Variants in SMTNL2 observed in about 807,000 individuals in gnomAD.
The protein encoded by SMTNL2 is smoothelin-like protein 2.
SMTNL2 carries 43 observed loss-of-function variants against 44.1 expected under a neutral mutation model. The observed-to-expected ratio is 0.98, with a 90% CI of 0.76 to 1.26. The LOEUF is 1.26. SMTNL2 is among the 50% of genes most tolerant of loss of function. The pLI, the probability that SMTNL2 is intolerant of heterozygous loss-of-function variation, is 0.00. For synonymous variants in SMTNL2, 317 were observed against 287.6 expected (o/e 1.10, Z -1.03); for missense variants, 646 against 670.2 (o/e 0.96, Z 0.40).
At position 4,592,546 on chromosome 17, in the gene SMTNL2, CG is replaced by C. The variant is rs1909624074; in HGVS notation, c.487+104del. ...GCCAGGCTGGCCCTTGGCCTGGCAT[CG>C]GGGGGACTCTATCCTGAACCCCAGC... On this transcript the variant is annotated intron_variant, in intron 2 of 7. Coordinates refer to ENST00000389313, the MANE Select transcript of SMTNL2 (RefSeq NM_001114974.2). This position sits in a 1 kb window ranked among gnomAD's most constrained non-coding sequence, Gnocchi z 4.5. The C allele has an allele frequency of 6.2e-6, 7 of 1,125,924 alleles. No homozygotes were observed. Among genetic ancestry groups the C allele is most frequent in the Non-Finnish European group, 7.6e-6 (6 of 790,664 alleles). 69.7% of individuals were successfully genotyped at this position (1,125,924 alleles called of 1,614,324 possible). A position where few individuals can be genotyped will look rare whatever the true frequency, so the allele number is the denominator to read the frequency against.
chr17:4,587,980 C>T (rs562054651), intron 1 of SMTNL2, among the ~76,000 whole-genome samples: 129 of 152,314 alleles, frequency 8.5e-4, no homozygotes, highest in Non-Finnish European at 1.6e-3. Context: ...CCCGAGGCAG[C>T]GGAGGCCCCA....
intron 7 of SMTNL2, among the ~76,000 whole-genome samples, chr17:4,605,746 A>G (rs1181048057): frequency 6.6e-6 from 1 of 152,148 alleles, no homozygotes; most frequent in Non-Finnish European, 1.5e-5. Context: ...GGCACTGACA[A>G]TCGGGCCAAG....
rs1910003439 is a variant in SMTNL2 at position 4,600,911 on chromosome 17, G to A, written c.1259+3588G>A. Reference sequence around the variant, plus strand: ...GTCTCTGTCTAAAACCAGATAGGAGGCAGTAGTCCCAGTCCTGGCATCCTG... The same window carrying A: ...GTCTCTGTCTAAAACCAGATAGGAGACAGTAGTCCCAGTCCTGGCATCCTG... On this transcript the variant is annotated intron_variant, in intron 7 of 7. Coordinates refer to ENST00000389313, the MANE Select transcript of SMTNL2 (RefSeq NM_001114974.2). The surrounding 1 kb of genome is among the most constrained non-coding windows in gnomAD (Gnocchi z 4.7). Among the ~76,000 whole-genome samples the A allele has an allele frequency of 6.6e-6, 1 of 152,130 alleles. No homozygotes were observed. Among genetic ancestry groups the A allele is most frequent in the Non-Finnish European group, 1.5e-5 (1 of 68,020 alleles).
chr17:4,591,296 T>C (rs989492082), intron 1 of SMTNL2, among the ~76,000 whole-genome samples: 7 of 152,176 alleles, frequency 4.6e-5, no homozygotes, highest in African/African-American at 1.2e-4. Flanking sequence ...CCAGGGGGCA[T>C]CTGGGAGAGG....
At chr17:4,599,927 C>A (rs1909960925) in intron 7 of SMTNL2, among the ~76,000 whole-genome samples, 1 of 152,236 alleles carries the variant, frequency 6.6e-6, no homozygotes. Context: ...GTGGCCTGGG[C>A]CTGCTCCAGC....
At chr17:4,594,996 C>A in intron 4 of SMTNL2, 149 bp from the exon 5 acceptor site, 1 of 1,044,180 alleles carries the variant, frequency 9.6e-7, no homozygotes. Context: ...GTCAAACCAG[C>A]TAGGGACCGG....
intron 1 of SMTNL2, among the ~76,000 whole-genome samples, chr17:4,587,792 A>G (rs1279959558): frequency 1.3e-5 from 2 of 152,242 alleles, no homozygotes. Context: ...CCTGAACTCA[A>G]TACAGGAAGG....
chr17:4,594,992 C>T (rs1455991126), intron 4 of SMTNL2, 153 bp from the exon 5 acceptor site: 1 of 1,012,502 alleles, frequency 9.9e-7, no homozygotes, highest in Non-Finnish European at 1.4e-6. Context: ...ACCTGTCAAA[C>T]CAGCTAGGGA....
intron 1 of SMTNL2, among the ~76,000 whole-genome samples, chr17:4,588,541 C>T (rs1909437445): frequency 6.6e-6 from 1 of 152,214 alleles, no homozygotes; most frequent in African/African-American, 2.4e-5. Flanking sequence ...CGCATGACGG[C>T]GACAGGCTGC....
At position 4,595,263 on chromosome 17, in the gene SMTNL2, ACCT is replaced by A. The variant is rs1165657642; in HGVS notation, c.927_929del (p.Ser310del). 1.9e-6 allele frequency: 3 copies of A among 1,613,056 alleles called. No homozygotes were observed. Among genetic ancestry groups the A allele is most frequent in the Non-Finnish European group, 2.5e-6 (3 of 1,179,932 alleles). On this transcript the variant is annotated inframe_deletion, in exon 5 of 8. Transcript: ENST00000389313. This position sits in a 1 kb window ranked among gnomAD's most constrained non-coding sequence, Gnocchi z 5.1. ...GGTGAGGTCGCAGACGCTGCCCCGC[ACCT>A]CGGAGGCGCAGGCCCGGAAAGCATT...
In SMTNL2 at chr17:4,595,063, T is replaced by C; in HGVS notation, c.807-82T>C. 1.3e-6 allele frequency: 2 copies of C among 1,587,568 alleles called. No homozygotes were observed. Among genetic ancestry groups the C allele is most frequent in the Non-Finnish European group, 8.6e-7 (1 of 1,159,666 alleles). On this transcript the variant is annotated intron_variant, in intron 4 of 7. Transcript: ENST00000389313. This position sits in a 1 kb window ranked among gnomAD's most constrained non-coding sequence, Gnocchi z 5.1. Reference sequence around the variant, plus strand: ...ACGGTGCAGGCTGCCTTGTCCACACTCAGTGCAATGGAGACCTTGGGGCCT... The same window carrying C: ...ACGGTGCAGGCTGCCTTGTCCACACCCAGTGCAATGGAGACCTTGGGGCCT...
At chr17:4,604,842 TG>T (rs1910202944) in intron 7 of SMTNL2, among the ~76,000 whole-genome samples, 2 of 144,296 alleles carry the variant, frequency 1.4e-5, no homozygotes, top group Non-Finnish European at 3.2e-5. Flanking sequence ...TGGCTAATTT[TG>T]TGTTTTTAGT....
In SMTNL2 at chr17:4,592,384, T is replaced by C; in HGVS notation, c.423T>C (p.Ser141=). The change falls in exon 2 of 8, where the codon AGT becomes AGC. Residue 141 remains serine, a synonymous_variant. Transcript: ENST00000389313. The surrounding 1 kb of genome is among the most constrained non-coding windows in gnomAD (Gnocchi z 4.5). The part of the protein sequence containing the change: ...RGQSLDHDEA[S]ESEMRKTSNS... ...AGAGTTTGGATCACGATGAGGCCAG[T>C]GAGTCGGAGATGAGAAAGACCTCAA... 6 of 1,613,538 alleles carry C rather than the reference T, an allele frequency of 3.7e-6. No homozygotes were observed. Among genetic ancestry groups the C allele is most frequent in the Non-Finnish European group, 5.1e-6 (6 of 1,179,958 alleles).
In SMTNL2 at chr17:4,598,030, C is replaced by G. The variant is rs1176649368; in HGVS notation, c.1259+707C>G. On this transcript the variant is annotated intron_variant, in intron 7 of 7. Transcript: ENST00000389313. This position sits in a 1 kb window ranked among gnomAD's most constrained non-coding sequence, Gnocchi z 4.8. ...GAGAGTTTAATAAAGGGACCCTTTA[C>G]AAAGGCGTGGGCAGGAATGAGGTCG... Among the ~76,000 whole-genome samples, 1 of 152,156 alleles carries G rather than the reference C, an allele frequency of 6.6e-6. No homozygotes were observed. Among genetic ancestry groups the G allele is most frequent in the Non-Finnish European group, 1.5e-5 (1 of 68,014 alleles).
In SMTNL2 at chr17:4,592,443, G is replaced by A; in HGVS notation, c.482G>A (p.Gly161Glu). 6.2e-7 allele frequency: 1 copy of A among 1,612,460 alleles called. No homozygotes were observed. The highest frequency in any genetic ancestry group is 1.1e-5 in the South Asian group (1 of 90,986). ...SCIMENGHQP[G>E]AGPGDGPPEI... Reference sequence around the variant, plus strand: ...ATCATGGAAAATGGGCACCAGCCGGGGGCAGGTAGGGCTGACGGCAGAGGA... The same window carrying A: ...ATCATGGAAAATGGGCACCAGCCGGAGGCAGGTAGGGCTGACGGCAGAGGA... Residue 161 changes from glycine to glutamate, a missense_variant, in exon 2 of 8, where the codon GGG (glycine) becomes GAG (glutamate). Transcript: ENST00000389313. This position sits in a 1 kb window ranked among gnomAD's most constrained non-coding sequence, Gnocchi z 4.5.
rs1315377356 is a variant in SMTNL2, at chr17:4,592,555, T to C, written c.487+107T>C. On this transcript the variant is annotated intron_variant, in intron 2 of 7. Coordinates refer to ENST00000389313, the MANE Select transcript of SMTNL2 (RefSeq NM_001114974.2). This position sits in a 1 kb window ranked among gnomAD's most constrained non-coding sequence, Gnocchi z 4.5. ...GCCCTTGGCCTGGCATCGGGGGGAC[T>C]CTATCCTGAACCCCAGCAGGGAGAG... The C allele has an allele frequency of 9.6e-7, 1 of 1,045,672 alleles. No individual in the cohort carries two copies. Among genetic ancestry groups the C allele is most frequent in the Admixed American group, 2.5e-5 (1 of 40,072 alleles). 64.8% of individuals were successfully genotyped at this position (1,045,672 alleles called of 1,614,324 possible).
rs538556756 is a variant in SMTNL2 at position 4,604,140 on chromosome 17, C to T, written c.1260-3221C>T. ...GATGACAGGCATGAGCCACCGCGCC[C>T]GGCCTGAACTCAGATTTTTCAATGC... On this transcript the variant is annotated intron_variant, in intron 7 of 7. Transcript: ENST00000389313. 1.1e-4 allele frequency among the ~76,000 whole-genome samples: 17 copies of T among 152,310 alleles called. No individual in the cohort carries two copies. In the East Asian group the frequency reaches 2.1e-3, roughly 19 times the overall value.
chr17:4,594,092 G>A (rs1216060373), intron 4 of SMTNL2, among the ~76,000 whole-genome samples, 195 bp downstream of exon 4: 1 of 152,104 alleles, frequency 6.6e-6, no homozygotes, highest in East Asian at 1.9e-4. Context: ...TCGGTGGAGA[G>A]TTTCATTTGG....
intron 3 of SMTNL2, 152 bp from the exon 4 acceptor site, chr17:4,593,670 C>A: frequency 1.4e-6 from 1 of 695,248 alleles, no homozygotes; most frequent in Non-Finnish European, 2.4e-6. Context: ...CCTCCACTGT[C>A]TGCTGAGGCA....
Sources: allele counts gnomAD v4.1 joint callset (sites outside exome capture counted in the v4.1 genomes callset), GRCh38; gene constraint gnomAD v4.1.1; non-coding constraint Gnocchi (gnomAD v3.1); transcripts MANE v1.5; gene names NCBI Gene and HGNC (gene_info 2026-07-23, HGNC 2026-07-21).